Variants in ITIH6 observed in about 807,000 individuals in gnomAD.
ITIH6 encodes inter-alpha-trypsin inhibitor heavy chain family member 6.
Under a neutral mutation model 58.2 loss-of-function variants are expected in ITIH6, and 60 were observed. That is an observed-to-expected ratio of 1.03 (90% CI 0.84 to 1.28). ITIH6 has a LOEUF of 1.28. ITIH6 is among the 50% of genes most tolerant of loss of function. The pLI, the probability that ITIH6 is intolerant of heterozygous loss-of-function variation, is 0.00. For missense variants in ITIH6, 1,290 were observed against 1,021.1 expected, an observed-to-expected ratio of 1.26 and a Z score of -3.59; for synonymous variants, 493 against 417.4, an observed-to-expected ratio of 1.18 and a Z score of -2.21.
In ITIH6 at chrX:54,758,061, G is replaced by A. The variant is rs752414338; in HGVS notation, c.2013C>T (p.Ser671=). 8.3e-7 allele frequency: 1 copy of A among 1,211,455 alleles called. No individual in the cohort carries two copies. The highest frequency in any genetic ancestry group is 1.1e-6 in the Non-Finnish European group (1 of 895,209). Reference sequence around the variant, plus strand: ...TCTTGGTAGAGGCAGTAGTAGTTGAGGATAAGTAGAACTTTGGTTTCACAG... The same window carrying A: ...TCTTGGTAGAGGCAGTAGTAGTTGAAGATAAGTAGAACTTTGGTTTCACAG... ...SRPVKPKFYL[S]STTTASTKKM... Residue 671 remains serine, a synonymous_variant, in exon 8 of 13, where the codon TCC becomes TCT. Transcript: ENST00000218436.
chrX:54,776,349 C>T (rs1308333948), intron 5 of ITIH6, among the ~76,000 whole-genome samples: 1 of 111,051 alleles, frequency 9.0e-6, no homozygotes, highest in Non-Finnish European at 1.9e-5. Context: ...TCTAAATAAA[C>T]TTGAAAGACA....
chrX:54,770,050 C>T (rs1233562602), intron 6 of ITIH6, among the ~76,000 whole-genome samples: 9 of 112,200 alleles, frequency 8.0e-5, no homozygotes, highest in Non-Finnish European at 1.5e-4. Context: ...GCGTAGGACC[C>T]TCCGAGCCAG....
intron 6 of ITIH6, among the ~76,000 whole-genome samples, chrX:54,762,454 T>C (rs1224454911): frequency 8.9e-6 from 1 of 111,967 alleles, no homozygotes; most frequent in Admixed American, 9.5e-5. Flanking sequence ...AATCTGCTCT[T>C]CTGCCTCACC....
chrX:54,778,262 T>C (rs981586814), intron 5 of ITIH6, among the ~76,000 whole-genome samples: 5 of 107,880 alleles, frequency 4.6e-5, no homozygotes, highest in African/African-American at 1.7e-4. Context: ...TGGCACGATG[T>C]TGGCTCACTA....
intron 6 of ITIH6, among the ~76,000 whole-genome samples, chrX:54,764,167 G>T (rs930690102): frequency 1.8e-5 from 2 of 110,860 alleles, no homozygotes; most frequent in Non-Finnish European, 3.8e-5. Context: ...CTTTTAATTG[G>T]TATATTTAAA....
chrX:54,767,164 A>C lies in ITIH6; in HGVS notation c.903+6917T>G, dbSNP rs1265582882. Among the ~76,000 whole-genome samples, 55 of 107,135 alleles carry C rather than the reference A, an allele frequency of 5.1e-4. 2 individuals carry two copies. Among genetic ancestry groups the C allele is most frequent in the African/African-American group, 1.8e-3 (52 of 28,417 alleles). 93.0% of individuals were successfully genotyped at this position (107,135 alleles called of 115,157 possible). ...TGTATCCATTTCTTCTAGATTTTCT[A>C]GTTTATTTGCGTAGAGGTGTTTGTA... On this transcript the variant is annotated intron_variant, in intron 6 of 12. Coordinates refer to ENST00000218436, the MANE Select transcript of ITIH6 (RefSeq NM_198510.3).
intron 5 of ITIH6, among the ~76,000 whole-genome samples, chrX:54,783,344 T>A (rs1929181172): frequency 9.0e-6 from 1 of 111,290 alleles, no homozygotes. Flanking sequence ...CCTAGAGCAA[T>A]CAGACAAGAG....
intron 5 of ITIH6, among the ~76,000 whole-genome samples, chrX:54,776,216 C>T (rs762121479): frequency 1.8e-5 from 2 of 110,927 alleles, no homozygotes; most frequent in African/African-American, 6.5e-5. Flanking sequence ...CGGCTGATGC[C>T]TGCATACGGA....
chrX:54,767,747 T>C (rs1304162533), intron 6 of ITIH6, among the ~76,000 whole-genome samples: 2 of 103,533 alleles, frequency 1.9e-5, no homozygotes, highest in Non-Finnish European at 3.9e-5. Flanking sequence ...TGCACTGTGG[T>C]CTGATAGATA....
rs568387680 is a variant in ITIH6 at position 54,758,474 on chromosome X, G to C, written c.1600C>G (p.His534Asp). 10 of 1,208,486 alleles carry C rather than the reference G, an allele frequency of 8.3e-6. No individual in the cohort carries two copies. The highest frequency in any genetic ancestry group is 4.4e-5 in the Admixed American group (2 of 45,727). The change falls in exon 8 of 13, where the codon CAC becomes GAC. Residue 534 changes from histidine to aspartate, a missense_variant. His to Asp is a moderately conservative substitution (Grantham distance 81). Coordinates refer to ENST00000218436, the MANE Select transcript of ITIH6 (RefSeq NM_198510.3). ...GPKDQLLVAH[H>D]SEGATNNSQK... ...CTGTTGTTGGTGGCCCCTTCACTGT[G>C]GTGGGCCACAAGAAGCTGATCCTTG...
intron 2 of ITIH6, among the ~76,000 whole-genome samples, chrX:54,795,813 A>C (rs772441718): frequency 1.4e-3 from 155 of 111,166 alleles, no homozygotes; most frequent in Non-Finnish European, 2.2e-3. Flanking sequence ...ACCATTCCAC[A>C]TTCAGACTTC....
At chrX:54,795,084 G>A (rs1344050512) in intron 2 of ITIH6, among the ~76,000 whole-genome samples, 2 of 111,667 alleles carry the variant, frequency 1.8e-5, no homozygotes, top group Non-Finnish European at 3.8e-5. Context: ...CTCCTACGTG[G>A]ATTCTGCCCC....
At chrX:54,779,580 A>C (rs1408356083) in intron 5 of ITIH6, among the ~76,000 whole-genome samples, 2 of 111,082 alleles carry the variant, frequency 1.8e-5, no homozygotes, top group Non-Finnish European at 3.8e-5. Flanking sequence ...AAATCATATT[A>C]CCAAAGAAAA....
In ITIH6 at chrX:54,788,468, A is replaced by G. The variant is rs1569544305; in HGVS notation, c.786+12T>C. On this transcript the variant is annotated intron_variant, in intron 5 of 12. Coordinates refer to ENST00000218436, the MANE Select transcript of ITIH6 (RefSeq NM_198510.3). ...GAGCCCATCCTCTCTCCTCTTCCCCAGGCCCCCTCACCTGCACGTCTCCAA... is the reference window on the plus strand; with the variant it reads ...GAGCCCATCCTCTCTCCTCTTCCCCGGGCCCCCTCACCTGCACGTCTCCAA... 1 of 1,205,135 alleles carries G rather than the reference A, an allele frequency of 8.3e-7. No individual in the cohort carries two copies. The highest frequency in any genetic ancestry group is 1.1e-6 in the Non-Finnish European group (1 of 890,466).
intron 12 of ITIH6, 79 bp downstream of exon 12, chrX:54,750,923 GA>G: frequency 3.1e-6 from 3 of 978,828 alleles, no homozygotes; most frequent in Non-Finnish European, 4.1e-6. Flanking sequence ...CCTTGTTGGG[GA>G]TATACATGCC....
intron 5 of ITIH6, among the ~76,000 whole-genome samples, chrX:54,779,064 A>G (rs951059898): frequency 3.6e-5 from 4 of 112,252 alleles, no homozygotes; most frequent in African/African-American, 1.3e-4. Context: ...AAGAGAAATA[A>G]AGAGTTTCCC....
intron 5 of ITIH6, among the ~76,000 whole-genome samples, chrX:54,783,949 A>G (rs1298931258): frequency 8.9e-6 from 1 of 112,212 alleles, no homozygotes; most frequent in Non-Finnish European, 1.9e-5. Context: ...CGGCAGAGCT[A>G]TAGCAACAAA....
At chrX:54,762,945 A>T (rs1928682203) in intron 6 of ITIH6, among the ~76,000 whole-genome samples, 2 of 111,824 alleles carry the variant, frequency 1.8e-5, no homozygotes, top group African/African-American at 6.5e-5. Flanking sequence ...TATCACAGCA[A>T]CACAATGAAG....
chrX:54,783,748 G>A lies in ITIH6; in HGVS notation c.786+4732C>T, dbSNP rs767707670. On this transcript the variant is annotated intron_variant, in intron 5 of 12. Coordinates refer to ENST00000218436, the MANE Select transcript of ITIH6 (RefSeq NM_198510.3). ...GATTGGAAGACTCAATATTGTTAAA[G>A]TGTCCATACTACCCAAAGCAATCTA... 1.4e-3 allele frequency among the ~76,000 whole-genome samples: 152 copies of A among 111,777 alleles called. 2 individuals are homozygous for A. The highest frequency in any genetic ancestry group is 4.4e-3 in the African/African-American group (135 of 30,784).
Sources: allele counts gnomAD v4.1 joint callset (sites outside exome capture counted in the v4.1 genomes callset), GRCh38; gene constraint gnomAD v4.1.1; transcripts MANE v1.5; gene names NCBI Gene and HGNC (gene_info 2026-07-23, HGNC 2026-07-21).